The following SEMA3A variants were observed in gnomAD, a reference collection of about 807,000 sequenced individuals.
SEMA3A encodes the protein semaphorin 3A.
In SEMA3A, 29 loss-of-function variants were observed where a neutral mutation model predicts 97.9. The observed-to-expected ratio is 0.30, with a 90% CI of 0.22 to 0.40. The LOEUF is 0.40. Among genes scored for constraint, SEMA3A ranks in the 10% least tolerant of loss-of-function variants. The pLI is 1.00. For synonymous variants in SEMA3A, 321 were observed against 323.7 expected (o/e 0.99, Z 0.09); for missense variants, 763 against 951.3 (o/e 0.80, Z 2.60).
chr7:84,232,431 TCTCTCTCTCTCC>T (rs1259291020), intron 3 of SEMA3A, among the ~76,000 whole-genome samples: 3 of 151,062 alleles, frequency 2.0e-5, no homozygotes, highest in Admixed American at 6.6e-5. Context: ...AATCTCTCTC[TCTCTCTCTCTCC>T]CTCTCTCTCT....
chr7:84,359,079 T>G (rs1479138951), intron 2 of SEMA3A, among the ~76,000 whole-genome samples: 1 of 152,328 alleles, frequency 6.6e-6, no homozygotes, highest in East Asian at 1.9e-4. Flanking sequence ...CCATGTCATC[T>G]GCAGACAGGG....
At chr7:84,198,874 C>T (rs564235164), upstream of SEMA3A, among the ~76,000 whole-genome samples, 3 of 152,156 alleles carry the variant, frequency 2.0e-5, no homozygotes, top group Admixed American at 6.5e-5. Flanking sequence ...ATCAACACTT[C>T]CCATTTCACA....
chr7:84,154,142 C>A (rs992851691), intron 1 of SEMA3A, among the ~76,000 whole-genome samples: 4 of 151,870 alleles, frequency 2.6e-5, no homozygotes, highest in African/African-American at 9.7e-5. Flanking sequence ...GAGATAGAAC[C>A]ATTTTTTAAT....
chr7:84,196,131 C>G (rs1345367621), upstream of SEMA3A, among the ~76,000 whole-genome samples: 1 of 151,616 alleles, frequency 6.6e-6, no homozygotes, highest in African/African-American at 2.4e-5. Flanking sequence ...CCACTCCCCA[C>G]CCCCCACCTC....
At chr7:84,143,983 ACACACACACAC>A (rs1796391605) in intron 1 of SEMA3A, among the ~76,000 whole-genome samples, 1 of 149,812 alleles carries the variant, frequency 6.7e-6, no homozygotes, top group African/African-American at 2.5e-5. Context: ...ACACACACAC[ACACACACACAC>A]AATTTATTGT....
chr7:84,282,824 G>A (rs1800477198), intron 3 of SEMA3A, among the ~76,000 whole-genome samples: 1 of 151,980 alleles, frequency 6.6e-6, no homozygotes, highest in Non-Finnish European at 1.5e-5. Flanking sequence ...AACCAGCGTG[G>A]CCAACATTGT....
intron 1 of SEMA3A, among the ~76,000 whole-genome samples, chr7:84,409,320 T>G (rs1804197382): frequency 6.6e-6 from 1 of 151,708 alleles, no homozygotes; most frequent in African/African-American, 2.4e-5. Flanking sequence ...TATACAACTA[T>G]TATGAATCAA....
At chr7:84,019,841 T>C (rs527702471) in intron 6 of SEMA3A, among the ~76,000 whole-genome samples, 3 of 152,174 alleles carry the variant, frequency 2.0e-5, no homozygotes, top group African/African-American at 7.2e-5. Context: ...GTGGCTTTTC[T>C]GACTCTGAAC....
chr7:84,116,654 T>G (rs1370363330), intron 3 of SEMA3A, among the ~76,000 whole-genome samples: 1 of 152,108 alleles, frequency 6.6e-6, no homozygotes. Context: ...GGCTGGTGTC[T>G]CTATAAGAAG....
intron 1 of SEMA3A, among the ~76,000 whole-genome samples, chr7:84,467,873 A>G (rs1806046583): frequency 6.6e-6 from 1 of 152,120 alleles, no homozygotes; most frequent in African/African-American, 2.4e-5. Context: ...ATGCCTGTGT[A>G]TAACATTATT....
chr7:84,478,259 T>G (rs1347990066), intron 1 of SEMA3A, among the ~76,000 whole-genome samples: 4 of 152,128 alleles, frequency 2.6e-5, no homozygotes, highest in Non-Finnish European at 5.9e-5. Flanking sequence ...AGGTGTTCTT[T>G]CTACCTCCCC....
At chr7:84,058,369 A>C (rs1793079328) in intron 5 of SEMA3A, among the ~76,000 whole-genome samples, 1 of 152,166 alleles carries the variant, frequency 6.6e-6, no homozygotes, top group Admixed American at 6.5e-5. Context: ...GCTGTAGAAA[A>C]TATTTATGTT....
intron 4 of SEMA3A, among the ~76,000 whole-genome samples, chr7:84,090,072 A>C (rs1794515068): frequency 6.6e-6 from 1 of 152,126 alleles, no homozygotes; most frequent in Non-Finnish European, 1.5e-5. Context: ...AAGATTTTGA[A>C]GTTTAATCCC....
chr7:84,013,567 C>G lies in SEMA3A; in HGVS notation c.810+642G>C, dbSNP rs1790971322. On this transcript the variant is annotated intron_variant, in intron 7 of 16. Transcript: ENST00000265362. ...ACAACAAATATTTATTCAAAACTTG[C>G]AAGGTAGGCCGGGTGCAGTGGTTCA... 2.7e-5 allele frequency among the ~76,000 whole-genome samples: 4 copies of G among 149,210 alleles called. No homozygotes were observed. The South Asian group carries it at 8.3e-4, about 31-fold the overall frequency.
intron 6 of SEMA3A, among the ~76,000 whole-genome samples, chr7:84,045,939 AC>A (rs1336527549): frequency 6.7e-6 from 1 of 149,410 alleles, no homozygotes; most frequent in Non-Finnish European, 1.5e-5. Context: ...ATATAAGATG[AC>A]GTTTTCAAGG....
chr7:84,213,784 A>G (rs1233314039), intron 3 of SEMA3A, among the ~76,000 whole-genome samples: 2 of 152,188 alleles, frequency 1.3e-5, no homozygotes, highest in Non-Finnish European at 2.9e-5. Context: ...AGCATTATTT[A>G]TTAATTTATT....
At chr7:84,200,719 T>G (rs2116295465) in intron 3 of SEMA3A, among the ~76,000 whole-genome samples, 1 of 152,130 alleles carries the variant, frequency 6.6e-6, no homozygotes, top group African/African-American at 2.4e-5. Flanking sequence ...TGTGAGATTA[T>G]CTGAAGAATG....
At chr7:83,985,641 G>A (rs571259166) in intron 12 of SEMA3A, among the ~76,000 whole-genome samples, 164 bp from the exon 13 acceptor site, 85 of 152,284 alleles carry the variant, frequency 5.6e-4, no homozygotes, top group African/African-American at 1.9e-3. Flanking sequence ...GCATAGATAA[G>A]GGTCAAATAT....
intron 1 of SEMA3A, among the ~76,000 whole-genome samples, chr7:84,377,314 T>C (rs993653183): frequency 3.3e-5 from 5 of 152,166 alleles, no homozygotes; most frequent in African/African-American, 4.8e-5. Context: ...CCTTTGTTGA[T>C]AATAGCTCTT....
Sources: allele counts gnomAD v4.1 joint callset (sites outside exome capture counted in the v4.1 genomes callset), GRCh38; gene constraint gnomAD v4.1.1; transcripts MANE v1.5; gene names NCBI Gene and HGNC (gene_info 2026-07-23, HGNC 2026-07-21).